VPS13B: variants seen among roughly 807,000 people sequenced by gnomAD.
The protein encoded by VPS13B is intermembrane lipid transfer protein VPS13B.
Under a neutral mutation model 426.4 loss-of-function variants are expected in VPS13B, and 285 were observed. That is an observed-to-expected ratio of 0.67 (90% confidence interval 0.61 to 0.74). The LOEUF (loss-of-function observed/expected upper bound fraction) is 0.74. VPS13B is among the 30% of genes least tolerant of loss of function. The pLI is 0.00. For missense variants in VPS13B, 4,537 were observed against 4,782.6 expected, an observed-to-expected ratio of 0.95 and a Z score of 1.51; for synonymous variants, 1,676 against 1,676.4, an observed-to-expected ratio of 1.00 and a Z score of 0.01.
At chr8:99,717,063 G>A (rs1393064697) in intron 36 of VPS13B, 108 bp from the exon 37 acceptor site, 10 of 1,134,802 alleles carry the variant, frequency 8.8e-6, no homozygotes, top group African/African-American at 7.8e-5. Flanking sequence ...CAAGCAAGAC[G>A]ACTCTGACAA....
At chr8:99,058,447 A>G (rs1046527951) in intron 3 of VPS13B, among the ~76,000 whole-genome samples, 2 of 151,782 alleles carry the variant, frequency 1.3e-5, no homozygotes, top group Non-Finnish European at 2.9e-5. Context: ...AAACATATAT[A>G]TTAGAATTTT....
chr8:99,066,510 A>T (rs2132317756), intron 3 of VPS13B, among the ~76,000 whole-genome samples: 1 of 152,358 alleles, frequency 6.6e-6, no homozygotes, highest in East Asian at 1.9e-4. Flanking sequence ...TTCAAGATGG[A>T]TTAAAGACTT....
At position 99,184,710 on chromosome 8, in the gene VPS13B, G is replaced by T. The variant is rs372110366; in HGVS notation, c.2334-8166G>T. On this transcript the variant is annotated intron_variant, in intron 16 of 61. Transcript: ENST00000357162. ...AATTAAAAATATATGACAAAAGCTG[G>T]CCAGGCATGGTGGCTCACACCTGTA... Among the ~76,000 whole-genome samples, 5 of 152,204 alleles carry T rather than the reference G, an allele frequency of 3.3e-5. 2 individuals carry two copies. The highest frequency in any genetic ancestry group is 1.2e-4 in the African/African-American group (5 of 41,544).
At chr8:99,863,071 A>C (rs996796582) in intron 58 of VPS13B, among the ~76,000 whole-genome samples, 3 of 152,182 alleles carry the variant, frequency 2.0e-5, no homozygotes, top group Non-Finnish European at 4.4e-5. Flanking sequence ...AGGGTGTTCA[A>C]GTCCTTTCTT....
intron 14 of VPS13B, among the ~76,000 whole-genome samples, chr8:99,150,170 C>A (rs1164249654): frequency 1.3e-5 from 2 of 152,108 alleles, no homozygotes; most frequent in Non-Finnish European, 2.9e-5. Flanking sequence ...TCACTGGAGA[C>A]AATTAAAATA....
In VPS13B at chr8:99,817,678, T is replaced by C. The variant is rs1814124374; in HGVS notation, c.8236T>C (p.Leu2746=). Residue 2746 remains leucine, a synonymous_variant, in exon 45 of 62, where the codon TTG becomes CTG. Coordinates refer to ENST00000357162, the MANE Select transcript of VPS13B (RefSeq NM_152564.5). ...HFDCLTAKQK[L]PSYILENNEL... ...TGACTGCCTCACAGCCAAACAGAAATTGCCTTCGTACATACTAGAAAACAA... is the reference window on the plus strand; with the variant it reads ...TGACTGCCTCACAGCCAAACAGAAACTGCCTTCGTACATACTAGAAAACAA... 6.2e-7 allele frequency: 1 copy of C among 1,613,988 alleles called. No homozygotes were observed. Among genetic ancestry groups the C allele is most frequent in the East Asian group, 2.2e-5 (1 of 44,830 alleles).
At position 99,786,063 on chromosome 8, in the gene VPS13B, G is replaced by T. The variant is rs561102989; in HGVS notation, c.7941+1587G>T. On this transcript the variant is annotated intron_variant, in intron 43 of 61. Coordinates refer to ENST00000357162, the MANE Select transcript of VPS13B (RefSeq NM_152564.5). ...CCTCAGAGACCCTCAGGATTCTCTG[G>T]ACACTGGAGCCAGGATGGGAAGGGT... Among the ~76,000 whole-genome samples the T allele has an allele frequency of 2.6e-5, 4 of 152,224 alleles. No individual in the cohort carries two copies. The South Asian group carries it at 8.3e-4, about 32-fold the overall frequency.
chr8:99,485,470 A>G (rs1041498643), intron 25 of VPS13B, among the ~76,000 whole-genome samples: 2 of 152,214 alleles, frequency 1.3e-5, no homozygotes, highest in South Asian at 2.1e-4. Flanking sequence ...ATGCTGAGAC[A>G]TGGATTACCT....
intron 22 of VPS13B, among the ~76,000 whole-genome samples, chr8:99,439,303 T>C (rs1281067899): frequency 2.6e-4 from 39 of 152,280 alleles, no homozygotes; most frequent in Non-Finnish European, 2.9e-5. Flanking sequence ...GTGTACAAAA[T>C]AGGCAAATGT....
intron 17 of VPS13B, among the ~76,000 whole-genome samples, chr8:99,260,313 A>G (rs774435652): frequency 2.9e-4 from 44 of 152,100 alleles, no homozygotes; most frequent in African/African-American, 3.9e-4. Flanking sequence ...TTTTCCCCTG[A>G]CAAAATAGAT....
intron 36 of VPS13B, among the ~76,000 whole-genome samples, chr8:99,702,519 A>G (rs1832324117): frequency 6.6e-6 from 1 of 152,186 alleles, no homozygotes; most frequent in Admixed American, 6.5e-5. Flanking sequence ...ATGACTTCAG[A>G]TAAAATAATT....
Position 99,507,127 on chromosome 8 carries a change from T to G in VPS13B, c.4158-10T>G. On this transcript the variant is annotated splice_polypyrimidine_tract_variant and intron_variant, in intron 27 of 61. Coordinates refer to ENST00000357162, the MANE Select transcript of VPS13B (RefSeq NM_152564.5). ...GAAGAGAACAGATAAGGTGAACTTA[T>G]GTTTTCCAGGCCAGGGGAAGGTTGG... The G allele has an allele frequency of 6.2e-7, 1 of 1,613,978 alleles. No individual in the cohort carries two copies. The highest frequency in any genetic ancestry group is 8.5e-7 in the Non-Finnish European group (1 of 1,179,906).
At chr8:99,081,784 C>T (rs1845477204) in intron 3 of VPS13B, among the ~76,000 whole-genome samples, 2 of 152,196 alleles carry the variant, frequency 1.3e-5, no homozygotes, top group Middle Eastern at 3.4e-3. Context: ...CTACAAAGGA[C>T]ATTAACTCAT....
intron 17 of VPS13B, among the ~76,000 whole-genome samples, chr8:99,272,027 T>TA (rs2132986104): frequency 6.6e-6 from 1 of 152,300 alleles, no homozygotes; most frequent in African/African-American, 2.4e-5. Context: ...TTCTGGGCCA[T>TA]AGCTCAGGAT....
intron 53 of VPS13B, 102 bp downstream of exon 53, chr8:99,835,426 A>G: frequency 6.7e-7 from 1 of 1,497,406 alleles, no homozygotes; most frequent in Non-Finnish European, 9.2e-7. Flanking sequence ...AAATATTTAA[A>G]TAAAAGCATT....
rs191656081 is a variant in VPS13B at position 99,464,937 on chromosome 8, A to G, written c.3446-2477A>G. On this transcript the variant is annotated intron_variant, in intron 23 of 61. Coordinates refer to ENST00000357162, the MANE Select transcript of VPS13B (RefSeq NM_152564.5). Reference sequence around the variant, plus strand: ...AAATTCACATACAAAGAGATTCTCAATCTTCCTGCCTTGTTCTTTTTTTCT... The same window carrying G: ...AAATTCACATACAAAGAGATTCTCAGTCTTCCTGCCTTGTTCTTTTTTTCT... Among the ~76,000 whole-genome samples, 13 of 152,282 alleles carry G rather than the reference A, an allele frequency of 8.5e-5. No individual in the cohort carries two copies. The East Asian group carries it at 2.3e-3, about 27-fold the overall frequency.
intron 17 of VPS13B, among the ~76,000 whole-genome samples, chr8:99,269,548 A>G (rs1403301099): frequency 6.6e-6 from 1 of 152,198 alleles, no homozygotes; most frequent in Non-Finnish European, 1.5e-5. Flanking sequence ...AACTACAGTT[A>G]TTTTGGCCTC....
chr8:99,277,491 G>T (rs1257301650), intron 19 of VPS13B, among the ~76,000 whole-genome samples: 2 of 152,032 alleles, frequency 1.3e-5, no homozygotes, highest in African/African-American at 4.8e-5. Flanking sequence ...GGGTGTATAT[G>T]TATATATGTG....
At chr8:99,125,513 G>A (rs757198923) in intron 8 of VPS13B, among the ~76,000 whole-genome samples, 5 of 152,112 alleles carry the variant, frequency 3.3e-5, no homozygotes, top group African/African-American at 4.8e-5. Flanking sequence ...ACAATACTTT[G>A]CAGCCTTCAG....
Sources: allele counts gnomAD v4.1 joint callset (sites outside exome capture counted in the v4.1 genomes callset), GRCh38; gene constraint gnomAD v4.1.1; transcripts MANE v1.5; gene names NCBI Gene and HGNC (gene_info 2026-07-23, HGNC 2026-07-21).